The following KPNA4 variants were observed in gnomAD, a reference collection of about 807,000 sequenced individuals.
KPNA4 encodes the protein karyopherin subunit alpha 4.
KPNA4 carries 13 observed loss-of-function variants against 71.3 expected under a neutral mutation model. That is an observed-to-expected ratio of 0.18 (90% CI 0.12 to 0.29). The LOEUF (loss-of-function observed/expected upper bound fraction) is 0.29. KPNA4 is among the 10% of genes least tolerant of loss of function. The pLI is 1.00. For synonymous variants in KPNA4, 189 were observed against 195.2 expected (o/e 0.97, Z 0.26); for missense variants, 334 against 603.2 (o/e 0.55, Z 4.67).
chr3:160,536,979 AT>A, intron 1 of KPNA4, 139 bp from the exon 2 acceptor site: 2 of 446,292 alleles, frequency 4.5e-6, no homozygotes, highest in Non-Finnish European at 8.1e-6. Context: ...CTTACTCATA[AT>A]AAAAATCATA....
At chr3:160,531,325 G>A in intron 6 of KPNA4, 137 bp downstream of exon 6, 1 of 485,012 alleles carries the variant, frequency 2.1e-6, no homozygotes, top group Non-Finnish European at 3.6e-6. Context: ...ACCTTGCACT[G>A]CTTTTCACTT....
chr3:160,536,420 T>C (rs866519138), intron 2 of KPNA4, among the ~76,000 whole-genome samples: 2 of 152,142 alleles, frequency 1.3e-5, no homozygotes, highest in Non-Finnish European at 2.9e-5. Context: ...TACTTAAAAG[T>C]TGAAGAAGTT....
chr3:160,536,821 T>G lies in KPNA4; in HGVS notation c.89A>C (p.Asn30Thr), dbSNP rs763578522. The change falls in exon 2 of 17, where the codon AAT (asparagine) becomes ACT (threonine). Residue 30 changes from asparagine (N) to threonine (T), a missense_variant. Coordinates refer to ENST00000334256, the MANE Select transcript of KPNA4 (RefSeq NM_002268.5). ...RDLETMRRQR[N>T]EVVVELRKNK... is the part of the protein sequence containing the mutation. ...CTTCCTTAATTCAACTACAACTTCA[T>G]TTCGTTGTCTTCTCATAGTCTACAA... is the stretch of plus-strand genomic sequence containing the variant. The G allele has an allele frequency of 6.3e-7, 1 of 1,582,276 alleles. No homozygotes were observed.
rs879885895 is a variant in KPNA4 at position 160,561,449 on chromosome 3, A to C, written c.69+3765T>G. Among the ~76,000 whole-genome samples the C allele has an allele frequency of 2.8e-4, 43 of 152,068 alleles. 1 individual carries two copies. Among genetic ancestry groups the C allele is most frequent in the Admixed American group, 2.1e-3 (32 of 15,274 alleles). ...TGGGGATCTTCTACAACACTGTAAG[A>C]AGCAGCCACGCCATGGTGAATATCA... On this transcript the variant is annotated intron_variant, in intron 1 of 16. Coordinates refer to ENST00000334256, the MANE Select transcript of KPNA4 (RefSeq NM_002268.5).
intron 13 of KPNA4, among the ~76,000 whole-genome samples, chr3:160,513,758 T>C (rs1162788515): frequency 1.3e-5 from 2 of 152,210 alleles, no homozygotes; most frequent in African/African-American, 2.4e-5. Flanking sequence ...AGGTAATGTA[T>C]GTAAAGTGCT....
intron 1 of KPNA4, among the ~76,000 whole-genome samples, chr3:160,552,838 T>C (rs1361433558): frequency 6.6e-6 from 1 of 151,484 alleles, no homozygotes; most frequent in African/African-American, 2.4e-5. Flanking sequence ...TGAATAAGAG[T>C]ATAAGTAACT....
intron 1 of KPNA4, among the ~76,000 whole-genome samples, chr3:160,542,323 G>C (rs1308335903): frequency 6.6e-6 from 1 of 152,162 alleles, no homozygotes; most frequent in African/African-American, 2.4e-5. Flanking sequence ...AGCTAAAACA[G>C]CATAACTAGA....
intron 1 of KPNA4, among the ~76,000 whole-genome samples, chr3:160,545,382 G>A (rs1406649081): frequency 6.7e-6 from 1 of 149,618 alleles, no homozygotes; most frequent in Non-Finnish European, 1.5e-5. Flanking sequence ...GAGTGTTAAG[G>A]AGAAAACAGA....
chr3:160,552,744 G>C (rs1056491457), intron 1 of KPNA4, among the ~76,000 whole-genome samples: 2 of 152,182 alleles, frequency 1.3e-5, no homozygotes, highest in African/African-American at 4.8e-5. Flanking sequence ...CGCAGAGAAA[G>C]CATTCTCACA....
intron 1 of KPNA4, among the ~76,000 whole-genome samples, chr3:160,538,175 G>GTACATATATA (rs1284234368): frequency 6.7e-6 from 1 of 149,712 alleles, no homozygotes; most frequent in Non-Finnish European, 1.5e-5. Flanking sequence ...GTGTATATAT[G>GTACATATATA]TACATATATA....
chr3:160,516,808 G>A (rs1721235606), intron 11 of KPNA4, among the ~76,000 whole-genome samples: 1 of 151,940 alleles, frequency 6.6e-6, no homozygotes, highest in Admixed American at 6.5e-5. Flanking sequence ...CTTTCTGAAG[G>A]AAAGAAGATA....
At chr3:160,552,721 CG>C (rs981390792) in intron 1 of KPNA4, among the ~76,000 whole-genome samples, 3 of 151,974 alleles carry the variant, frequency 2.0e-5, no homozygotes, top group African/African-American at 7.3e-5. Context: ...AGGAAAGAGA[CG>C]GGGACTGGAG....
intron 11 of KPNA4, 136 bp downstream of exon 11, chr3:160,521,642 AT>A: frequency 1.3e-6 from 1 of 794,678 alleles, no homozygotes. Flanking sequence ...CTTATTATTT[AT>A]TTTCCCCTTT....
chr3:160,527,594 C>A (rs1721481883), intron 8 of KPNA4, among the ~76,000 whole-genome samples: 5 of 151,980 alleles, frequency 3.3e-5, no homozygotes, highest in Admixed American at 3.3e-4. Flanking sequence ...TTTCTTGTTA[C>A]TTTCTTTGAT....
At chr3:160,520,158 A>G (rs1354672950) in intron 11 of KPNA4, among the ~76,000 whole-genome samples, 1 of 152,168 alleles carries the variant, frequency 6.6e-6, no homozygotes, top group Non-Finnish European at 1.5e-5. Context: ...CCAAGACATA[A>G]GTACCACACA....
At chr3:160,547,575 T>C (rs907085011) in intron 1 of KPNA4, among the ~76,000 whole-genome samples, 33 of 152,084 alleles carry the variant, frequency 2.2e-4, no homozygotes, top group Admixed American at 8.5e-4. Context: ...ACATGTACTA[T>C]CACCCACAGT....
At chr3:160,511,150 G>C (rs1475119986) in intron 13 of KPNA4, among the ~76,000 whole-genome samples, 2 of 150,826 alleles carry the variant, frequency 1.3e-5, no homozygotes, top group Non-Finnish European at 2.9e-5. Context: ...CTGTCACCCA[G>C]GCTGGAGTGC....
chr3:160,525,765 C>T, intron 10 of KPNA4, 35 bp downstream of exon 10: 1 of 1,380,526 alleles, frequency 7.2e-7, no homozygotes, highest in Non-Finnish European at 9.8e-7. Context: ...TACATACATA[C>T]ATACATAAAT....
At chr3:160,540,489 C>A (rs1046126441) in intron 1 of KPNA4, among the ~76,000 whole-genome samples, 1 of 152,122 alleles carries the variant, frequency 6.6e-6, no homozygotes, top group Non-Finnish European at 1.5e-5. Context: ...CATTATAGAG[C>A]AAGGGTTTTC....
Sources: allele counts gnomAD v4.1 joint callset (sites outside exome capture counted in the v4.1 genomes callset), GRCh38; gene constraint gnomAD v4.1.1; transcripts MANE v1.5; gene names NCBI Gene and HGNC (gene_info 2026-07-23, HGNC 2026-07-21).